CNTLN: variants seen among roughly 807,000 people sequenced by gnomAD.
CNTLN encodes the protein centlein, centrosomal protein.
In CNTLN, 212 loss-of-function variants were observed where a neutral mutation model predicts 180.0. The observed-to-expected ratio is 1.18, with a 90% CI of 1.05 to 1.32. The LOEUF is 1.32. CNTLN is among the 40% of genes most tolerant of loss of function. The pLI, the probability that CNTLN is intolerant of heterozygous loss-of-function variation, is 0.00. For missense variants in CNTLN, 2,095 were observed against 1,610.9 expected (o/e 1.30, Z -5.14); for synonymous variants, 722 against 563.1 (o/e 1.28, Z -3.99).
chr9:17,521,877 GAT>G, the CNTLN span, among the ~76,000 whole-genome samples: 1 of 152,130 alleles, frequency 6.6e-6, no homozygotes, highest in Non-Finnish European at 1.5e-5. Flanking sequence ...TGCAAATGCT[GAT>G]TTATTTATAG....
At chr9:17,359,731 A>AAAAAAAAAAAAAAC in intron 12 of CNTLN, among the ~76,000 whole-genome samples, 1 of 99,284 alleles carries the variant, frequency 1.0e-5, no homozygotes, top group Admixed American at 1.0e-4. Context: ...AATACAAAAA[A>AAAAAAAAAAAAAAC]AAAAAAAAAA....
intron 6 of CNTLN, among the ~76,000 whole-genome samples, chr9:17,283,651 G>C (rs538610238): frequency 6.6e-6 from 1 of 152,266 alleles, no homozygotes; most frequent in African/African-American, 2.4e-5. Flanking sequence ...GAAGTGGTGA[G>C]AGACAGCATC....
chr9:17,377,494 T>C (rs1272041154), intron 13 of CNTLN, among the ~76,000 whole-genome samples: 1 of 152,126 alleles, frequency 6.6e-6, no homozygotes, highest in Non-Finnish European at 1.5e-5. Context: ...TGAGCCAAGA[T>C]TGCGTCATTG....
chr9:17,451,666 T>C (rs944710737), intron 18 of CNTLN, among the ~76,000 whole-genome samples: 1 of 152,190 alleles, frequency 6.6e-6, no homozygotes, highest in African/African-American at 2.4e-5. Flanking sequence ...GACTGCAAAG[T>C]GTTCTTTGGC....
intron 7 of CNTLN, chr9:17,301,281 G>A (rs1818327425): frequency 1.0e-6 from 1 of 985,290 alleles, no homozygotes; most frequent in South Asian, 4.7e-5. Context: ...GTGATCTGGG[G>A]TACATTTTGA....
At chr9:17,267,734 G>A (rs934394183) in intron 5 of CNTLN, among the ~76,000 whole-genome samples, 15 of 152,100 alleles carry the variant, frequency 9.9e-5, no homozygotes, top group Admixed American at 2.6e-4. Flanking sequence ...GGCTTTGTTC[G>A]TTTCTTTTTA....
intron 25 of CNTLN, among the ~76,000 whole-genome samples, chr9:17,501,263 A>G (rs543165726): frequency 6.6e-6 from 1 of 152,354 alleles, no homozygotes; most frequent in African/African-American, 2.4e-5. Context: ...GGGAACAGAC[A>G]CAGACTCAGG....
chr9:17,173,612 G>A (rs1820544100), intron 2 of CNTLN, among the ~76,000 whole-genome samples: 1 of 151,968 alleles, frequency 6.6e-6, no homozygotes, highest in Non-Finnish European at 1.5e-5. Flanking sequence ...AATTGGAATT[G>A]TAACGGTGAT....
chr9:17,326,086 C>T (rs1820271292), intron 8 of CNTLN, among the ~76,000 whole-genome samples: 1 of 152,018 alleles, frequency 6.6e-6, no homozygotes, highest in Non-Finnish European at 1.5e-5. Flanking sequence ...ATATCTTCTA[C>T]AGAACTTTTC....
intron 2 of CNTLN, chr9:17,167,349 C>T (rs1318717663): frequency 6.6e-6 from 1 of 152,308 alleles, no homozygotes; most frequent in Non-Finnish European, 1.5e-5. Context: ...TCTCATCTCT[C>T]AGTTTTGCCT....
At chr9:17,214,381 C>T (rs1823572792) in intron 2 of CNTLN, among the ~76,000 whole-genome samples, 1 of 152,212 alleles carries the variant, frequency 6.6e-6, no homozygotes, top group Middle Eastern at 3.2e-3. Flanking sequence ...TGAATATAGG[C>T]ACCCACTCTC....
chr9:17,409,413 C>A lies in CNTLN; in HGVS notation c.2736C>A (p.Ser912Arg). ...DQKESDPTED[S>R]QTQGKEIVQT... ...AAGAAAGTGATCCAACAGAAGACAGCCAAACACAAGGAAAAGAAATAGTAC... is the reference window on the plus strand; with the variant it reads ...AAGAAAGTGATCCAACAGAAGACAGACAAACACAAGGAAAAGAAATAGTAC... Residue 912 changes from serine to arginine, a missense_variant, in exon 16 of 26, where the codon AGC (serine) becomes AGA (arginine). Transcript: ENST00000380647. 6.2e-7 allele frequency: 1 copy of A among 1,612,796 alleles called. No individual in the cohort carries two copies. Among genetic ancestry groups the A allele is most frequent in the Non-Finnish European group, 8.5e-7 (1 of 1,179,412 alleles).
chr9:17,228,750 G>C (rs1001076894), intron 3 of CNTLN, among the ~76,000 whole-genome samples: 18 of 151,990 alleles, frequency 1.2e-4, no homozygotes, highest in African/African-American at 4.3e-4. Context: ...GAATTATTAG[G>C]TTGGCAGGAA....
In CNTLN at chr9:17,261,766, C is replaced by G. The variant is rs147641565; in HGVS notation, c.850-11967C>G. Among the ~76,000 whole-genome samples, 26 of 151,444 alleles carry G rather than the reference C, an allele frequency of 1.7e-4. 1 individual carries two copies. Among genetic ancestry groups the G allele is most frequent in the African/African-American group, 6.4e-4 (26 of 40,916 alleles). ...ATTAAACTAAAGAGGTTCTGCACAGCAGAAGAAACTAGCATCAGAGTGAAC... is the reference window on the plus strand; with the variant it reads ...ATTAAACTAAAGAGGTTCTGCACAGGAGAAGAAACTAGCATCAGAGTGAAC... On this transcript the variant is annotated intron_variant, in intron 5 of 25. Coordinates refer to ENST00000380647, the MANE Select transcript of CNTLN (RefSeq NM_017738.4).
intron 5 of CNTLN, among the ~76,000 whole-genome samples, chr9:17,270,783 T>G (rs546116219): frequency 2.6e-5 from 4 of 152,232 alleles, no homozygotes; most frequent in African/African-American, 9.6e-5. Context: ...ACATTTTAAA[T>G]TATCCTTTTG....
intron 12 of CNTLN, among the ~76,000 whole-genome samples, chr9:17,362,883 C>T (rs544469708): frequency 6.6e-6 from 1 of 152,030 alleles, no homozygotes; most frequent in Non-Finnish European, 1.5e-5. Context: ...TGCTATCCCT[C>T]CCCTAGTCCC....
chr9:17,213,350 A>T (rs1197623461), intron 2 of CNTLN, among the ~76,000 whole-genome samples: 3 of 152,168 alleles, frequency 2.0e-5, no homozygotes, highest in Admixed American at 2.0e-4. Flanking sequence ...TTCAGTTTCC[A>T]TGTAGTTGAC....
chr9:17,152,870 A>C (rs115865778), intron 2 of CNTLN, among the ~76,000 whole-genome samples: 1 of 152,184 alleles, frequency 6.6e-6, no homozygotes, highest in African/African-American at 2.4e-5. Context: ...TATATTTAGG[A>C]TAGTTCACTC....
intron 7 of CNTLN, chr9:17,299,956 C>A: frequency 4.8e-6 from 1 of 207,732 alleles, no homozygotes; most frequent in Non-Finnish European, 8.4e-6. Context: ...TCTCCATGTC[C>A]TGTAAAGTGT....
Sources: gnomAD v4.1 joint callset for allele counts (sites outside exome capture counted in the v4.1 genomes callset) on GRCh38, gnomAD v4.1.1 for gene constraint, MANE v1.5 for transcripts, NCBI Gene and HGNC (gene_info 2026-07-23, HGNC 2026-07-21) for gene names.